Variants in FBXO11 observed in about 807,000 individuals in gnomAD.
FBXO11 encodes F-box protein 11.
FBXO11 carries 13 observed loss-of-function variants against 117.0 expected under a neutral mutation model. That is an observed-to-expected ratio of 0.11 (90% CI 0.07 to 0.18). The LOEUF (loss-of-function observed/expected upper bound fraction) is 0.18, where lower values mean the gene tolerates loss of function less well. Ranked by LOEUF, FBXO11 falls within the 10% of genes least tolerant of loss-of-function variation. The probability of loss-of-function intolerance (pLI) is 1.00; values close to 1 mark genes in which losing one functional copy is unlikely to be tolerated. For synonymous variants in FBXO11, 490 were observed against 380.5 expected, an observed-to-expected ratio of 1.29 and a Z score of -3.35; for missense variants, 767 against 1,164.4, an observed-to-expected ratio of 0.66 and a Z score of 4.97.
chr2:47,874,594 G>C (rs539822230), intron 1 of FBXO11, among the ~76,000 whole-genome samples: 9 of 152,200 alleles, frequency 5.9e-5, no homozygotes, highest in South Asian at 4.1e-4. Context: ...CATTGCAGTG[G>C]TGCAATCTCA....
intron 11 of FBXO11, 82 bp from the exon 12 acceptor site, chr2:47,823,442 T>A: frequency 9.8e-7 from 1 of 1,023,520 alleles, no homozygotes. Flanking sequence ...TTTCAATGCA[T>A]ATCTAAAAAT....
At position 47,810,376 on chromosome 2, in the gene FBXO11, T is replaced by C. The variant is rs998173177; in HGVS notation, c.2278A>G (p.Ile760Val). The C allele has an allele frequency of 1.2e-6, 2 of 1,611,126 alleles. No homozygotes were observed. Among genetic ancestry groups the C allele is most frequent in the Non-Finnish European group, 1.7e-6 (2 of 1,178,828 alleles). ...IFRNAQAGVL[I>V]STNSHPILRK... The stretch of plus-strand genomic sequence containing the variant: ...AAGATTGGATGACTATTAGTGCTGA[T>C]GAGAACACCTGCTTGAGCATTCCTG... Residue 760 changes from isoleucine to valine, a missense_variant, in exon 19 of 23, where the codon ATC becomes GTC. By Grantham distance (29) the Ile-to-Val change is conservative. Transcript: ENST00000403359.
rs1224524706 is a variant in FBXO11, at chr2:47,858,887, A to G, written c.233-19118T>C. 7.3e-5 allele frequency among the ~76,000 whole-genome samples: 11 copies of G among 150,636 alleles called. No individual in the cohort carries two copies. The East Asian group carries it at 1.6e-3, about 21-fold the overall frequency. ...AACCCCGTCTCTACTAAAAATACAAAAATTAGCTGGGCGTGGTAGCCCGCG... is the reference window on the plus strand; with the variant it reads ...AACCCCGTCTCTACTAAAAATACAAGAATTAGCTGGGCGTGGTAGCCCGCG... On this transcript the variant is annotated intron_variant, in intron 1 of 22. Transcript: ENST00000403359.
At chr2:47,897,316 G>C (rs1341036887) in intron 1 of FBXO11, among the ~76,000 whole-genome samples, 1 of 152,222 alleles carries the variant, frequency 6.6e-6, no homozygotes, top group Non-Finnish European at 1.5e-5. Flanking sequence ...AGGCTAAACT[G>C]ATTCAAGTCA....
rs746953076 is a variant in FBXO11, at chr2:47,905,551, G to GGCT, written c.167_169dup (p.Gln56dup). The GGCT allele has an allele frequency of 0.01, 12,399 of 1,239,614 alleles. 44 individuals carry two copies. Among genetic ancestry groups the GGCT allele is most frequent in the Non-Finnish European group, 0.011 (10,810 of 993,672 alleles). 76.8% of individuals were successfully genotyped at this position (1,239,614 alleles called of 1,614,324 possible). On this transcript the variant is annotated inframe_insertion, in exon 1 of 23. Transcript: ENST00000403359. ...CGGAGGCGGCGGTGGCGGCGGCGGA[G>GGCT]GCTGCTGCTGCTGCTGCTGCTGCGG...
intron 1 of FBXO11, among the ~76,000 whole-genome samples, chr2:47,892,400 T>C (rs1677323094): frequency 6.6e-6 from 1 of 152,256 alleles, no homozygotes; most frequent in Non-Finnish European, 1.5e-5. Context: ...GATTGGTATG[T>C]AACACTTTCC....
intron 1 of FBXO11, among the ~76,000 whole-genome samples, chr2:47,875,031 T>C (rs1675897736): frequency 6.6e-6 from 1 of 152,308 alleles, no homozygotes; most frequent in African/African-American, 2.4e-5. Flanking sequence ...GATATGATCA[T>C]CTCAAGAATC....
intron 1 of FBXO11, among the ~76,000 whole-genome samples, chr2:47,878,567 G>C (rs1676189309): frequency 6.6e-6 from 1 of 151,896 alleles, no homozygotes; most frequent in South Asian, 2.1e-4. Flanking sequence ...ATGTTGGCCA[G>C]GTTGGTCTTG....
At chr2:47,905,174 C>T (rs534006417) in intron 1 of FBXO11, 175 of 198,662 alleles carry the variant, frequency 8.8e-4, no homozygotes, top group Middle Eastern at 1.9e-3. Context: ...CGGCCACCAA[C>T]AGACTCCCGC....
At chr2:47,835,612 C>T (rs1672496321) in intron 5 of FBXO11, among the ~76,000 whole-genome samples, 1 of 152,110 alleles carries the variant, frequency 6.6e-6, no homozygotes, top group African/African-American at 2.4e-5. Flanking sequence ...ATTCTCCTGC[C>T]TTAGCCTCCG....
chr2:47,837,098 T>C (rs1558428190), intron 4 of FBXO11: 1 of 202,832 alleles, frequency 4.9e-6, no homozygotes, highest in Admixed American at 6.0e-5. Flanking sequence ...CTTCAGTCCA[T>C]TTATATCCTA....
intron 1 of FBXO11, among the ~76,000 whole-genome samples, chr2:47,867,616 T>C (rs1180087251): frequency 1.3e-5 from 2 of 152,206 alleles, no homozygotes; most frequent in African/African-American, 4.8e-5. Flanking sequence ...AAATTATTAA[T>C]TCTAATGGCC....
intron 1 of FBXO11, among the ~76,000 whole-genome samples, chr2:47,851,934 T>G (rs1471044969): frequency 6.6e-6 from 1 of 152,104 alleles, no homozygotes; most frequent in Non-Finnish European, 1.5e-5. Context: ...TACAAATTTG[T>G]GCGTCTATCT....
chr2:47,891,029 G>T (rs1275820070), intron 1 of FBXO11, among the ~76,000 whole-genome samples: 2 of 150,336 alleles, frequency 1.3e-5, no homozygotes, highest in Non-Finnish European at 3.0e-5. Context: ...TCCCTATGTT[G>T]CTCAGACTAG....
At chr2:47,857,065 C>A (rs548414709) in intron 1 of FBXO11, among the ~76,000 whole-genome samples, 1 of 152,302 alleles carries the variant, frequency 6.6e-6, no homozygotes, top group East Asian at 1.9e-4. Flanking sequence ...TATTTATGCA[C>A]AGAAACTCAT....
intron 1 of FBXO11, among the ~76,000 whole-genome samples, chr2:47,862,742 A>G (rs1213997288): frequency 6.6e-6 from 1 of 152,190 alleles, no homozygotes; most frequent in East Asian, 1.9e-4. Context: ...CAATTAGCCC[A>G]AAGACTTACA....
In FBXO11 at chr2:47,813,798, A is replaced by G; in HGVS notation, c.2076T>C (p.Tyr692=). ...ATGACAGATTAAACATACCAGAATT[A>G]TAAACTAGAATTCCACCATTCTGTC... ...WGGQNGGILV[Y]NSGLGCIEDN... Residue 692 remains tyrosine, a synonymous_variant, in exon 17 of 23, where the codon TAT becomes TAC. Transcript: ENST00000403359. 6.2e-7 allele frequency: 1 copy of G among 1,612,330 alleles called. No homozygotes were observed. The highest frequency in any genetic ancestry group is 8.5e-7 in the Non-Finnish European group (1 of 1,178,482).
At chr2:47,860,841 CT>C (rs1287865795) in intron 1 of FBXO11, among the ~76,000 whole-genome samples, 2 of 138,082 alleles carry the variant, frequency 1.4e-5, no homozygotes, top group East Asian at 4.0e-4. Flanking sequence ...TTGTTTTCCC[CT>C]ATTTTTTTTT....
At chr2:47,826,068 G>T (rs547590473) in intron 11 of FBXO11, among the ~76,000 whole-genome samples, 8 of 151,734 alleles carry the variant, frequency 5.3e-5, no homozygotes, top group South Asian at 2.1e-4. Context: ...AGTTTTTTTG[G>T]TTTTTTTTGA....
Sources: allele counts gnomAD v4.1 joint callset (sites outside exome capture counted in the v4.1 genomes callset), GRCh38; gene constraint gnomAD v4.1.1; transcripts MANE v1.5; gene names NCBI Gene and HGNC (gene_info 2026-07-23, HGNC 2026-07-21).